Variants in MLLT3 observed in about 807,000 individuals in gnomAD.
The protein encoded by MLLT3 is MLLT3 super elongation complex subunit, also known as protein AF-9.
A neutral mutation model predicts 53.2 loss-of-function variants in MLLT3; 4 were observed. The ratio of observed to expected loss-of-function variants is 0.08; its 90% CI spans 0.04 to 0.17. The LOEUF is 0.17. Ranked by LOEUF, MLLT3 falls within the 10% of genes least tolerant of loss-of-function variation. The pLI is 1.00. For synonymous variants in MLLT3, 283 were observed against 230.6 expected, an observed-to-expected ratio of 1.23 and a Z score of -2.06; for missense variants, 569 against 684.0, an observed-to-expected ratio of 0.83 and a Z score of 1.87.
intron 2 of MLLT3, among the ~76,000 whole-genome samples, chr9:20,538,471 C>T (rs1818541038): frequency 6.6e-6 from 1 of 152,192 alleles, no homozygotes; most frequent in South Asian, 2.1e-4. Flanking sequence ...TCCTGGCTTC[C>T]AACCTCCACC....
chr9:20,382,893 T>C (rs1426303290), intron 5 of MLLT3, among the ~76,000 whole-genome samples: 3 of 142,186 alleles, frequency 2.1e-5, no homozygotes, highest in African/African-American at 6.2e-5. Flanking sequence ...ATTTGTCTTA[T>C]GGGTATTTTT....
chr9:20,347,814 A>T (rs1820915408), intron 10 of MLLT3, among the ~76,000 whole-genome samples: 1 of 152,172 alleles, frequency 6.6e-6, no homozygotes, highest in Admixed American at 6.5e-5. Context: ...CAATAATCTT[A>T]AAAAAGAGAA....
At chr9:20,425,478 C>T (rs528426974) in intron 4 of MLLT3, among the ~76,000 whole-genome samples, 2 of 152,130 alleles carry the variant, frequency 1.3e-5, no homozygotes, top group African/African-American at 4.8e-5. Flanking sequence ...TATCCTCTTC[C>T]TTTTCATGCA....
intron 2 of MLLT3, among the ~76,000 whole-genome samples, chr9:20,464,262 A>G (rs1824181685): frequency 6.6e-6 from 1 of 152,122 alleles, no homozygotes; most frequent in South Asian, 2.1e-4. Context: ...CTCAATAATA[A>G]TAGCCAAATT....
At chr9:20,352,710 TAAAAAAAAA>T (rs59397349) in intron 10 of MLLT3, among the ~76,000 whole-genome samples, 1 of 116,776 alleles carries the variant, frequency 8.6e-6, no homozygotes, top group South Asian at 2.7e-4. Context: ...CATTAAATGT[TAAAAAAAAA>T]AAAAAAAACC....
intron 2 of MLLT3, among the ~76,000 whole-genome samples, chr9:20,556,200 A>T (rs1324240361): frequency 3.3e-5 from 5 of 152,240 alleles, no homozygotes; most frequent in Non-Finnish European, 7.3e-5. Context: ...AGAATTTGTA[A>T]TATAATCATG....
chr9:20,445,777 T>C (rs1053453898), intron 4 of MLLT3, among the ~76,000 whole-genome samples: 4 of 152,150 alleles, frequency 2.6e-5, no homozygotes, highest in African/African-American at 9.7e-5. Context: ...AGGTAGAATA[T>C]ATACATCTAT....
At chr9:20,540,147 C>G (rs932545993) in intron 2 of MLLT3, among the ~76,000 whole-genome samples, 15 of 152,220 alleles carry the variant, frequency 9.9e-5, no homozygotes, top group African/African-American at 3.1e-4. Flanking sequence ...GGCAGCTCTG[C>G]CCCTGTGGCT....
At chr9:20,502,886 G>C (rs1587001809) in intron 2 of MLLT3, among the ~76,000 whole-genome samples, 1 of 152,242 alleles carries the variant, frequency 6.6e-6, no homozygotes, top group Non-Finnish European at 1.5e-5. Context: ...TCAAACATCA[G>C]TAGCATCTGT....
chr9:20,535,699 T>A (rs1375038899), intron 2 of MLLT3, among the ~76,000 whole-genome samples: 1 of 152,192 alleles, frequency 6.6e-6, no homozygotes, highest in Non-Finnish European at 1.5e-5. Context: ...AGCAGGGTCT[T>A]GGTACAGCAG....
At position 20,343,549 on chromosome 9, in the gene MLLT3, G is replaced by C. The variant is rs1335735166; in HGVS notation, c.*2894C>G. ...CCCCAAACCCACCAACACACATCCT[G>C]CTGCAAAACCAGAGGCAAAAGCTAA... On this transcript the variant is annotated 3_prime_UTR_variant, in exon 11 of 11. Coordinates refer to ENST00000380338, the MANE Select transcript of MLLT3 (RefSeq NM_004529.4). 2 of 229,394 alleles carry C rather than the reference G, an allele frequency of 8.7e-6. No homozygotes were observed. The highest frequency in any genetic ancestry group is 1.2e-4 in the East Asian group (2 of 16,092). 14.2% of individuals were successfully genotyped at this position (229,394 alleles called of 1,614,324 possible). A position where few individuals can be genotyped will look rare whatever the true frequency, so the allele number is the denominator to read the frequency against.
At chr9:20,602,783 C>T (rs1325845155) in intron 2 of MLLT3, among the ~76,000 whole-genome samples, 4 of 151,818 alleles carry the variant, frequency 2.6e-5, no homozygotes, top group African/African-American at 9.7e-5. Flanking sequence ...CACACACACA[C>T]ACACACACAC....
At chr9:20,499,639 T>A (rs1825167354) in intron 2 of MLLT3, among the ~76,000 whole-genome samples, 1 of 152,244 alleles carries the variant, frequency 6.6e-6, no homozygotes, top group Admixed American at 6.5e-5. Flanking sequence ...CCAAAATAGA[T>A]GCATTCCTTG....
intron 2 of MLLT3, among the ~76,000 whole-genome samples, chr9:20,570,652 G>A (rs1819510301): frequency 6.6e-6 from 1 of 152,038 alleles, no homozygotes; most frequent in African/African-American, 2.4e-5. Flanking sequence ...AAACATTTAA[G>A]CAAAATCAAA....
rs114454630 is a variant in MLLT3, at chr9:20,344,130, A to T, written c.*2313T>A. ...TTTATTACCTAATTTTCAAGTCTAA[A>T]GTTTATCATATAATAGCTGTCCTTC... On this transcript the variant is annotated 3_prime_UTR_variant, in exon 11 of 11. Coordinates refer to ENST00000380338, the MANE Select transcript of MLLT3 (RefSeq NM_004529.4). 2,264 of 195,124 alleles carry T rather than the reference A, an allele frequency of 0.012. 54 individuals are homozygous for T. Among genetic ancestry groups the T allele is most frequent in the African/African-American group, 0.044 (1,913 of 43,392 alleles). The allele number at this position is 195,124 out of a possible 1,614,324, so 12.1% of individuals were successfully genotyped here.
At chr9:20,580,520 C>T (rs1249913576) in intron 2 of MLLT3, among the ~76,000 whole-genome samples, 2 of 152,108 alleles carry the variant, frequency 1.3e-5, no homozygotes, top group African/African-American at 4.8e-5. Flanking sequence ...CTCTCTTGGA[C>T]AGTTTTTTTA....
intron 2 of MLLT3, among the ~76,000 whole-genome samples, chr9:20,503,760 A>G (rs1473221537): frequency 1.3e-5 from 2 of 152,206 alleles, no homozygotes. Flanking sequence ...ACACACTGAA[A>G]GACAACCTGC....
intron 5 of MLLT3, among the ~76,000 whole-genome samples, chr9:20,371,454 T>C (rs1018646932): frequency 2.2e-4 from 34 of 152,236 alleles, no homozygotes; most frequent in African/African-American, 8.0e-4. Context: ...AACTGGTGAA[T>C]TTAAGTTGAA....
chr9:20,585,553 TC>T (rs1819933132), intron 2 of MLLT3, among the ~76,000 whole-genome samples: 1 of 152,168 alleles, frequency 6.6e-6, no homozygotes. Context: ...TGAATGTGAG[TC>T]CCTGTGGATC....
Sources: allele counts gnomAD v4.1 joint callset (sites outside exome capture counted in the v4.1 genomes callset), GRCh38; gene constraint gnomAD v4.1.1; transcripts MANE v1.5; gene names NCBI Gene and HGNC (gene_info 2026-07-23, HGNC 2026-07-21).